AGPS: variants seen among roughly 807,000 people sequenced by gnomAD.
The protein encoded by AGPS is alkyldihydroxyacetonephosphate synthase, peroxisomal.
AGPS carries 26 observed loss-of-function variants against 90.7 expected under a neutral mutation model. The ratio of observed to expected loss-of-function variants is 0.29; its 90% CI spans 0.21 to 0.40. The LOEUF is 0.40. AGPS is among the 10% of genes least tolerant of loss of function. The pLI, the probability that AGPS is intolerant of heterozygous loss-of-function variation, is 1.00. For missense variants in AGPS, 540 were observed against 816.1 expected (o/e 0.66, Z 4.12); for synonymous variants, 294 against 285.3 (o/e 1.03, Z -0.31).
chr2:177,491,569 G>A (rs1049447639), intron 11 of AGPS, among the ~76,000 whole-genome samples: 2 of 150,938 alleles, frequency 1.3e-5, no homozygotes, highest in South Asian at 2.1e-4. Flanking sequence ...GAGCCACTGC[G>A]CCTGGCCAAT....
chr2:177,464,779 C>T (rs1452290770), intron 9 of AGPS, among the ~76,000 whole-genome samples: 1 of 152,200 alleles, frequency 6.6e-6, no homozygotes, highest in Non-Finnish European at 1.5e-5. Context: ...ATGAAAGGAG[C>T]CTTGCTACAT....
chr2:177,451,343 T>G (rs2105651522), intron 8 of AGPS, among the ~76,000 whole-genome samples: 1 of 152,274 alleles, frequency 6.6e-6, no homozygotes, highest in African/African-American at 2.4e-5. Flanking sequence ...ATTGTCAGTT[T>G]CTGGTTGTTC....
At chr2:177,511,235 G>T (rs1688861070) in intron 16 of AGPS, among the ~76,000 whole-genome samples, 1 of 151,976 alleles carries the variant, frequency 6.6e-6, no homozygotes, top group South Asian at 2.1e-4. Flanking sequence ...AGCTAGCTAG[G>T]ATCCCAGGTG....
chr2:177,412,449 C>T (rs964423780), intron 1 of AGPS, among the ~76,000 whole-genome samples: 5 of 152,138 alleles, frequency 3.3e-5, no homozygotes, highest in Non-Finnish European at 5.9e-5. Context: ...ATGCTCCCAA[C>T]CCAGAAGGTT....
intron 11 of AGPS, among the ~76,000 whole-genome samples, chr2:177,490,264 G>A (rs1688211948): frequency 6.6e-6 from 1 of 152,038 alleles, no homozygotes; most frequent in South Asian, 2.1e-4. Context: ...TTAGAATGAT[G>A]TGCAGTGATT....
chr2:177,466,414 C>T (rs1228875550), intron 9 of AGPS, among the ~76,000 whole-genome samples: 1 of 152,248 alleles, frequency 6.6e-6, no homozygotes, highest in East Asian at 1.9e-4. Context: ...GTCCGTGGAA[C>T]TGGCAGCCCA....
At chr2:177,454,445 C>T (rs1687052610) in intron 8 of AGPS, among the ~76,000 whole-genome samples, 1 of 152,036 alleles carries the variant, frequency 6.6e-6, no homozygotes, top group East Asian at 1.9e-4. Context: ...ATATAGAATA[C>T]AGTTATAATA....
Position 177,505,542 on chromosome 2 carries a change from T to G in AGPS, c.1512T>G (p.Gly504=), listed in dbSNP as rs776748239. The G allele has an allele frequency of 6.2e-7, 1 of 1,612,452 alleles. No homozygotes were observed. The highest frequency in any genetic ancestry group is 8.5e-7 in the Non-Finnish European group (1 of 1,178,956). Residue 504 remains glycine (G), a synonymous_variant, in exon 15 of 20, where the codon GGT becomes GGG. Coordinates refer to ENST00000264167, the MANE Select transcript of AGPS (RefSeq NM_003659.4). The part of the protein sequence containing the change: ...LAAGEDNGQR[G]YLLTYVIAYI... Reference sequence around the variant, plus strand: ...CTGGAGAAGATAATGGACAGAGAGGTTATTTGCTGACCTATGTTATTGCAT... The same window carrying G: ...CTGGAGAAGATAATGGACAGAGAGGGTATTTGCTGACCTATGTTATTGCAT...
chr2:177,461,800 C>A, intron 8 of AGPS, 93 bp from the exon 9 acceptor site: 15 of 967,250 alleles, frequency 1.6e-5, no homozygotes, highest in East Asian at 3.4e-5. Flanking sequence ...ATATCAATGA[C>A]ATGGAAATTT....
rs779968864 is a variant in AGPS, at chr2:177,482,120, G to A, written c.1167G>A (p.Lys389=). 1.9e-6 allele frequency: 3 copies of A among 1,605,694 alleles called. No homozygotes were observed. The highest frequency in any genetic ancestry group is 2.3e-5 in the East Asian group (1 of 44,358). The stretch of plus-strand genomic sequence containing the variant: ...TCAGACCAGTCCCTGAATACCAAAA[G>A]TATGGCTCAGTAGCTTTCCCTAATT... The part of the protein sequence containing the change: ...IKIRPVPEYQ[K]YGSVAFPNFE... The change falls in exon 11 of 20, where the codon AAG becomes AAA. Residue 389 remains lysine, a synonymous_variant. Transcript: ENST00000264167.
intron 5 of AGPS, among the ~76,000 whole-genome samples, chr2:177,438,887 A>T (rs1463293425): frequency 6.6e-6 from 1 of 152,082 alleles, no homozygotes; most frequent in Non-Finnish European, 1.5e-5. Context: ...ATGAAGTCCA[A>T]GTTTTTCTTT....
At chr2:177,442,925 G>A (rs1686651451) in intron 7 of AGPS, among the ~76,000 whole-genome samples, 1 of 151,128 alleles carries the variant, frequency 6.6e-6, no homozygotes, top group Non-Finnish European at 1.5e-5. Flanking sequence ...CAAAAGGTAG[G>A]TTTACTTTTA....
At chr2:177,406,415 A>G (rs1343455098) in intron 1 of AGPS, among the ~76,000 whole-genome samples, 1 of 152,216 alleles carries the variant, frequency 6.6e-6, no homozygotes, top group African/African-American at 2.4e-5. Context: ...AAAGAGCCAT[A>G]AATTCTTGAA....
At chr2:177,489,121 A>G (rs886092856) in intron 11 of AGPS, among the ~76,000 whole-genome samples, 5 of 137,604 alleles carry the variant, frequency 3.6e-5, no homozygotes, top group African/African-American at 1.4e-4. Flanking sequence ...GTCTCGCTCT[A>G]TTGCCCAGGC....
At chr2:177,533,539 A>G (rs911918896) in intron 19 of AGPS, among the ~76,000 whole-genome samples, 15 of 152,218 alleles carry the variant, frequency 9.9e-5, no homozygotes, top group African/African-American at 3.1e-4. Context: ...GGTGGCTTGG[A>G]TAATATCACT....
At chr2:177,518,194 G>A (rs1689075555) in intron 17 of AGPS, among the ~76,000 whole-genome samples, 1 of 152,154 alleles carries the variant, frequency 6.6e-6, no homozygotes, top group Non-Finnish European at 1.5e-5. Flanking sequence ...AGCACTTTGG[G>A]AGGCTGAGGT....
chr2:177,476,482 T>C (rs1687784930), intron 10 of AGPS, among the ~76,000 whole-genome samples: 1 of 152,126 alleles, frequency 6.6e-6, no homozygotes, highest in Non-Finnish European at 1.5e-5. Context: ...TTCCAATTTC[T>C]TTCTTATCAG....
At position 177,513,981 on chromosome 2, in the gene AGPS, A is replaced by T. The variant is rs1293984674; in HGVS notation, c.1697+73A>T. On this transcript the variant is annotated intron_variant, in intron 17 of 19. Transcript: ENST00000264167. ...TTTTTTTAATCAAGGGGGGGAATATAATTTTCCAGCTGAGAAAAAGCTTCA... is the reference window on the plus strand; with the variant it reads ...TTTTTTTAATCAAGGGGGGGAATATTATTTTCCAGCTGAGAAAAAGCTTCA... The T allele has an allele frequency of 2.8e-5, 32 of 1,146,298 alleles. 1 individual carries two copies. Among genetic ancestry groups the T allele is most frequent in the Non-Finnish European group, 4.1e-5 (31 of 764,276 alleles). 71.0% of individuals were successfully genotyped at this position (1,146,298 alleles called of 1,614,324 possible).
At chr2:177,460,104 G>C (rs1317494520) in intron 8 of AGPS, among the ~76,000 whole-genome samples, 1 of 152,158 alleles carries the variant, frequency 6.6e-6, no homozygotes, top group Admixed American at 6.5e-5. Flanking sequence ...TCATAAGTGG[G>C]AGTTGAACAA....
Sources: allele counts gnomAD v4.1 joint callset (sites outside exome capture counted in the v4.1 genomes callset), GRCh38; gene constraint gnomAD v4.1.1; transcripts MANE v1.5; gene names NCBI Gene and HGNC (gene_info 2026-07-23, HGNC 2026-07-21).